The following HDAC8 variants were observed in gnomAD, a reference collection of about 807,000 sequenced individuals.
The protein encoded by HDAC8 is histone deacetylase 8.
Under a neutral mutation model 32.2 loss-of-function variants are expected in HDAC8, and 1 was observed. The observed-to-expected ratio is 0.03, with a 90% CI of 0.01 to 0.15. HDAC8 has a LOEUF of 0.15. Among genes scored for constraint, HDAC8 ranks in the 10% least tolerant of loss-of-function variants. HDAC8 has a pLI of 1.00. For missense variants in HDAC8, 117 were observed against 300.0 expected, an observed-to-expected ratio of 0.39 and a Z score of 4.51; for synonymous variants, 108 against 113.9, an observed-to-expected ratio of 0.95 and a Z score of 0.33.
chrX:72,373,253 C>T (rs1442593149), intron 9 of HDAC8, among the ~76,000 whole-genome samples: 1 of 111,878 alleles, frequency 8.9e-6, no homozygotes, highest in African/African-American at 3.3e-5. Context: ...ATAATTTACC[C>T]TTTTAGAGTG....
At chrX:72,401,482 C>A (rs917477046) in intron 9 of HDAC8, among the ~76,000 whole-genome samples, 1 of 111,928 alleles carries the variant, frequency 8.9e-6, no homozygotes, top group Non-Finnish European at 1.9e-5. Context: ...GCTGCTTTGG[C>A]CTCCCAAAGT....
At chrX:72,562,330 C>T (rs1321725657) in intron 4 of HDAC8, among the ~76,000 whole-genome samples, 2 of 112,351 alleles carry the variant, frequency 1.8e-5, no homozygotes, top group Non-Finnish European at 3.8e-5. Flanking sequence ...TATATATACA[C>T]CATGGAATAC....
chrX:72,335,146 G>C (rs1386436496), intron 10 of HDAC8, among the ~76,000 whole-genome samples: 1 of 111,977 alleles, frequency 8.9e-6, no homozygotes, highest in Non-Finnish European at 1.9e-5. Flanking sequence ...TCTTGCATTA[G>C]TGTGATACAT....
intron 7 of HDAC8, among the ~76,000 whole-genome samples, chrX:72,481,223 A>T (rs1024944749): frequency 1.8e-5 from 2 of 110,950 alleles, no homozygotes; most frequent in Non-Finnish European, 3.8e-5. Flanking sequence ...TTATAAAACT[A>T]TCAGATCTCA....
At chrX:72,460,293 C>T (rs1425226513) in intron 9 of HDAC8, among the ~76,000 whole-genome samples, 1 of 110,413 alleles carries the variant, frequency 9.1e-6, no homozygotes. Flanking sequence ...TGCACCACCA[C>T]GCCCAGCTAA....
intron 9 of HDAC8, among the ~76,000 whole-genome samples, chrX:72,448,462 AC>A: frequency 8.9e-6 from 1 of 112,512 alleles, no homozygotes; most frequent in Admixed American, 9.4e-5. Flanking sequence ...TAAACATAAG[AC>A]CTAAAATCAT....
chrX:72,487,329 A>AT (rs1157417533), intron 7 of HDAC8, among the ~76,000 whole-genome samples: 1 of 111,931 alleles, frequency 8.9e-6, no homozygotes, highest in African/African-American at 3.3e-5. Context: ...CTACAGAAAA[A>AT]AAAGAGAAAA....
chrX:72,546,898 C>T (rs2050881047), intron 4 of HDAC8, among the ~76,000 whole-genome samples: 1 of 111,407 alleles, frequency 9.0e-6, no homozygotes, highest in Non-Finnish European at 1.9e-5. Context: ...TAAGACTTTG[C>T]TCCATCTCTT....
chrX:72,402,994 A>G (rs782327269), intron 9 of HDAC8, among the ~76,000 whole-genome samples: 12 of 111,721 alleles, frequency 1.1e-4, no homozygotes, highest in Non-Finnish European at 2.1e-4. Context: ...TTTGCATGAC[A>G]TATCATTTTT....
intron 4 of HDAC8, among the ~76,000 whole-genome samples, chrX:72,550,617 G>A (rs1556067932): frequency 9.0e-6 from 1 of 110,557 alleles, no homozygotes; most frequent in Non-Finnish European, 1.9e-5. Flanking sequence ...GCTCATTGTA[G>A]CCCACTAAAT....
intron 10 of HDAC8, among the ~76,000 whole-genome samples, chrX:72,344,858 T>C (rs934333387): frequency 1.3e-4 from 15 of 111,996 alleles, no homozygotes; most frequent in African/African-American, 4.9e-4. Context: ...GTCTCAGTCT[T>C]GCACTACCAT....
chrX:72,362,206 T>G (rs782136053), intron 9 of HDAC8, among the ~76,000 whole-genome samples: 49 of 111,173 alleles, frequency 4.4e-4, no homozygotes, highest in African/African-American at 1.6e-3. Context: ...GCTCTCCCCA[T>G]GGTAATCAGT....
At chrX:72,354,235 C>T (rs1031833156) in intron 9 of HDAC8, among the ~76,000 whole-genome samples, 4 of 112,286 alleles carry the variant, frequency 3.6e-5, no homozygotes, top group South Asian at 3.7e-4. Flanking sequence ...ATAGCAAAGT[C>T]TGGGTTCCTC....
At chrX:72,504,429 T>C (rs1277354446) in intron 4 of HDAC8, among the ~76,000 whole-genome samples, 1 of 112,046 alleles carries the variant, frequency 8.9e-6, no homozygotes, top group Non-Finnish European at 1.9e-5. Context: ...ACACAATATG[T>C]GATCTTTTAT....
At chrX:72,469,120 T>C (rs1419297569) in intron 7 of HDAC8, among the ~76,000 whole-genome samples, 2 of 107,071 alleles carry the variant, frequency 1.9e-5, no homozygotes, top group Non-Finnish European at 3.8e-5. Context: ...GTATTTGGTC[T>C]TTATTCTTAC....
At chrX:72,512,038 A>T (rs931516977) in intron 4 of HDAC8, among the ~76,000 whole-genome samples, 14 of 111,947 alleles carry the variant, frequency 1.3e-4, no homozygotes, top group Admixed American at 9.5e-4. Context: ...CAAAATGGTG[A>T]TTATACTTTA....
At chrX:72,403,179 C>T (rs781949681) in intron 9 of HDAC8, among the ~76,000 whole-genome samples, 2 of 111,461 alleles carry the variant, frequency 1.8e-5, no homozygotes, top group African/African-American at 6.5e-5. Context: ...TGGATTTGCA[C>T]TTCCATTTTG....
chrX:72,559,991 C>T (rs1291379891), intron 4 of HDAC8, among the ~76,000 whole-genome samples: 1 of 109,307 alleles, frequency 9.1e-6, no homozygotes, highest in African/African-American at 3.3e-5. Context: ...AGGTGGGGGG[C>T]GCCTCTGCCC....
At chrX:72,372,238 G>C (rs1480897538) in intron 9 of HDAC8, among the ~76,000 whole-genome samples, 1 of 111,175 alleles carries the variant, frequency 9.0e-6, no homozygotes, top group Admixed American at 9.6e-5. Context: ...CCTCCAGGAA[G>C]TGTTCACAGG....
Sources: allele counts gnomAD v4.1 joint callset (sites outside exome capture counted in the v4.1 genomes callset), GRCh38; gene constraint gnomAD v4.1.1; transcripts MANE v1.5; gene names NCBI Gene and HGNC (gene_info 2026-07-23, HGNC 2026-07-21).